RARA: variants seen among roughly 807,000 people sequenced by gnomAD.
RARA encodes the protein PML-DDX5-RARA fusion.
In RARA, 5 loss-of-function variants were observed where a neutral mutation model predicts 42.8. The ratio of observed to expected loss-of-function variants is 0.12; its 90% confidence interval spans 0.06 to 0.25. The LOEUF is 0.25. Among genes scored for constraint, RARA ranks in the 10% least tolerant of loss-of-function variants. The pLI, the probability that RARA is intolerant of heterozygous loss-of-function variation, is 1.00. For synonymous variants in RARA, 256 were observed against 259.5 expected, an observed-to-expected ratio of 0.99 and a Z score of 0.13; for missense variants, 402 against 628.7, an observed-to-expected ratio of 0.64 and a Z score of 3.86.
intron 1 of RARA, among the ~76,000 whole-genome samples, chr17:40,325,149 G>A (rs969606251): frequency 2.0e-5 from 3 of 152,042 alleles, no homozygotes; most frequent in African/African-American, 7.3e-5. Flanking sequence ...TACTAGGGAG[G>A]ATGAGGCAGG....
chr17:40,341,237 G>T (rs1434715921), intron 2 of RARA: 3 of 1,030,822 alleles, frequency 2.9e-6, no homozygotes, highest in Non-Finnish European at 4.0e-6. Flanking sequence ...CAGTGCACCA[G>T]GGGCCGGTAC....
At chr17:40,322,168 G>T (rs557767730) in intron 1 of RARA, among the ~76,000 whole-genome samples, 2 of 152,044 alleles carry the variant, frequency 1.3e-5, no homozygotes, top group South Asian at 2.1e-4. Context: ...AGAAGGGGAG[G>T]GGGGTGGAGG....
rs201508544 is a variant in RARA, at chr17:40,355,324, G to A, written c.1074G>A (p.Ala358=). The A allele has an allele frequency of 2.4e-5, 38 of 1,610,192 alleles. No individual in the cohort carries two copies. Among genetic ancestry groups the A allele is most frequent in the Admixed American group, 1.3e-4 (8 of 59,610 alleles). ...TGCTGCAGGAGCCGCTGCTGGAGGC[G>A]CTAAAGGTCTACGTGCGGAAGCGGA... ...VDMLQEPLLE[A]LKVYVRKRRP... Residue 358 remains alanine, a synonymous_variant, in exon 8 of 9, where the codon GCG becomes GCA. Transcript: ENST00000254066. The surrounding 1 kb of genome is among the most constrained non-coding windows in gnomAD (Gnocchi z 4.1).
intron 2 of RARA, among the ~76,000 whole-genome samples, chr17:40,347,177 G>T (rs902673623): frequency 6.6e-6 from 1 of 152,176 alleles, no homozygotes; most frequent in African/African-American, 2.4e-5. Context: ...GGAGTTTGGG[G>T]TAGGGCTAGG....
At position 40,337,608 on chromosome 17, in the gene RARA, C is replaced by T. The variant is rs372417633; in HGVS notation, c.178+6212C>T. Among the ~76,000 whole-genome samples the T allele has an allele frequency of 6.6e-5, 10 of 152,310 alleles. No homozygotes were observed. In the East Asian group the frequency reaches 1.3e-3, roughly 21 times the overall value. ...CTGAAGGAACAGAATGTAAAAGCCACAGTTCTTATTCTTAATTTGTTTCAA... is the reference window on the plus strand; with the variant it reads ...CTGAAGGAACAGAATGTAAAAGCCATAGTTCTTATTCTTAATTTGTTTCAA... On this transcript the variant is annotated intron_variant, in intron 2 of 8. Coordinates refer to ENST00000254066, the MANE Select transcript of RARA (RefSeq NM_000964.4).
intron 2 of RARA, chr17:40,341,818 T>C: frequency 8.5e-7 from 1 of 1,175,350 alleles, no homozygotes; most frequent in South Asian, 3.0e-5. Context: ...TGGGGGAGCC[T>C]GGGAGCCGGA....
chr17:40,349,825 G>C lies in RARA; in HGVS notation c.369G>C (p.Thr123=). Residue 123 remains threonine (T), a synonymous_variant, in exon 4 of 9, where the codon ACG becomes ACC. Transcript: ENST00000254066. ...RRSIQKNMVY[T]CHRDKNCIIN... The stretch of plus-strand genomic sequence containing the variant: ...GCATCCAGAAGAACATGGTGTACAC[G>C]TGTCACCGGGACAAGAACTGCATCA... 1.2e-6 allele frequency: 2 copies of C among 1,614,228 alleles called. No homozygotes were observed. Among genetic ancestry groups the C allele is most frequent in the Non-Finnish European group, 1.7e-6 (2 of 1,180,036 alleles).
chr17:40,315,132 GTATA>G (rs71356657), intron 1 of RARA, among the ~76,000 whole-genome samples: 7,438 of 63,742 alleles, frequency 0.12, 407 homozygotes, highest in East Asian at 0.16. Context: ...GCTTATATGT[GTATA>G]TATATATATA....
chr17:40,322,120 G>A (rs914840963), intron 1 of RARA, among the ~76,000 whole-genome samples: 3 of 151,944 alleles, frequency 2.0e-5, no homozygotes, highest in Non-Finnish European at 2.9e-5. Flanking sequence ...CTGGCTGGCC[G>A]CCCGGTTTGG....
intron 1 of RARA, among the ~76,000 whole-genome samples, chr17:40,327,365 G>A (rs955204006): frequency 1.8e-4 from 28 of 152,204 alleles, no homozygotes; most frequent in African/African-American, 6.8e-4. Context: ...CTGCCCCTTG[G>A]GCCTCACCTT....
Position 40,355,554 on chromosome 17 carries a change from C to G in RARA, c.1171+133C>G, listed in dbSNP as rs1176468966. On this transcript the variant is annotated intron_variant, in intron 8 of 8. Transcript: ENST00000254066. The surrounding 1 kb of genome is among the most constrained non-coding windows in gnomAD (Gnocchi z 4.1). ...CCCATCTGTGTCTAGGCTGAGGTCC[C>G]CTAGTGACTCCACTTTGCCGAGGTG... The G allele has an allele frequency of 4.0e-6, 5 of 1,262,792 alleles. No homozygotes were observed. The African/African-American group carries it at 6.1e-5, about 15-fold the overall frequency. 78.2% of individuals were successfully genotyped at this position (1,262,792 alleles called of 1,614,324 possible).
intron 1 of RARA, among the ~76,000 whole-genome samples, chr17:40,328,935 T>C (rs958865943): frequency 6.6e-6 from 1 of 152,128 alleles, no homozygotes; most frequent in Non-Finnish European, 1.5e-5. Context: ...TACCTAGGAG[T>C]AGAATTGCTG....
At chr17:40,329,667 C>T (rs746392021) in intron 1 of RARA, among the ~76,000 whole-genome samples, 1 of 152,044 alleles carries the variant, frequency 6.6e-6, no homozygotes, top group Non-Finnish European at 1.5e-5. Context: ...GTTGGCCAGG[C>T]TGGTCTTGAA....
chr17:40,324,878 T>C (rs1220695227), intron 1 of RARA, among the ~76,000 whole-genome samples: 1 of 152,048 alleles, frequency 6.6e-6, no homozygotes, highest in Non-Finnish European at 1.5e-5. Context: ...GTGGGGTTGG[T>C]GGGGAAGAGG....
intron 2 of RARA, among the ~76,000 whole-genome samples, chr17:40,347,271 C>T (rs2034297666): frequency 6.6e-6 from 1 of 152,174 alleles, no homozygotes; most frequent in African/African-American, 2.4e-5. Context: ...GACAAGAGAA[C>T]TTGAACGTTG....
At chr17:40,350,122 C>T (rs35898909) in intron 4 of RARA, 197 bp downstream of exon 4, 14,052 of 773,052 alleles carry the variant, frequency 0.018, 162 homozygotes, top group Non-Finnish European at 0.023. Context: ...TGTGTGTCCA[C>T]GGGCAGGTCT....
rs547146121 is a variant in RARA, at chr17:40,320,989, G to A, written c.-362-9868G>A. Among the ~76,000 whole-genome samples the A allele has an allele frequency of 3.9e-5, 6 of 152,196 alleles. No individual in the cohort carries two copies. Among genetic ancestry groups the A allele is most frequent in the South Asian group, 2.1e-4 (1 of 4,822 alleles). Reference sequence around the variant, plus strand: ...AAAGGAGTATGGCAACTGATACCCCGGCTCCCAGGGCTTTGGCTGAACATT... The same window carrying A: ...AAAGGAGTATGGCAACTGATACCCCAGCTCCCAGGGCTTTGGCTGAACATT... On this transcript the variant is annotated intron_variant, in intron 1 of 8. Transcript: ENST00000254066. The surrounding 1 kb of genome is among the most constrained non-coding windows in gnomAD (Gnocchi z 4.1).
rs890286120 is a variant in RARA, at chr17:40,345,817, T to C, written c.179-2499T>C. 1.3e-4 allele frequency among the ~76,000 whole-genome samples: 20 copies of C among 152,158 alleles called. 1 individual carries two copies. The highest frequency in any genetic ancestry group is 1.2e-3 in the South Asian group (6 of 4,824). On this transcript the variant is annotated intron_variant, in intron 2 of 8. Coordinates refer to ENST00000254066, the MANE Select transcript of RARA (RefSeq NM_000964.4). This position sits in a 1 kb window ranked among gnomAD's most constrained non-coding sequence, Gnocchi z 4.8. ...CAGGGAGTTATGGCCGTGTCCTAAC[T>C]CTTGCAGAGGCTGTGAGGATTCCGG...
rs2034436793 is a variant in RARA at position 40,351,274 on chromosome 17, G to GCCA, written c.470-626_470-624dup. 1 of 143,848 alleles carries GCCA rather than the reference G, an allele frequency of 7.0e-6. No homozygotes were observed. Among genetic ancestry groups the GCCA allele is most frequent in the Non-Finnish European group, 1.5e-5 (1 of 67,660 alleles). 8.9% of individuals were successfully genotyped at this position (143,848 alleles called of 1,614,324 possible). On this transcript the variant is annotated intron_variant, in intron 4 of 8. Coordinates refer to ENST00000254066, the MANE Select transcript of RARA (RefSeq NM_000964.4). The surrounding 1 kb of genome is among the most constrained non-coding windows in gnomAD (Gnocchi z 4.1). The stretch of plus-strand genomic sequence containing the variant: ...ACCCTCCCTTCCTCCCGCGTCAGCA[G>GCCA]CCACCACCACCAGCCCTGTGAGTGA...
Sources: gnomAD v4.1 joint callset for allele counts (sites outside exome capture counted in the v4.1 genomes callset) on GRCh38, gnomAD v4.1.1 for gene constraint, Gnocchi (gnomAD v3.1) non-coding constraint, MANE v1.5 for transcripts, NCBI Gene and HGNC (gene_info 2026-07-23, HGNC 2026-07-21) for gene names.